CD101: variants seen among roughly 807,000 people sequenced by gnomAD.
The protein encoded by CD101 is immunoglobulin superfamily member 2.
In CD101, 76 loss-of-function variants were observed where a neutral mutation model predicts 98.2. The ratio of observed to expected loss-of-function variants is 0.77; its 90% CI spans 0.64 to 0.94. CD101 has a LOEUF of 0.94. Among genes scored for constraint, CD101 ranks in the 40% least tolerant of loss-of-function variants. CD101 has a pLI of 0.00. For synonymous variants in CD101, 471 were observed against 472.7 expected (o/e 1.00, Z 0.05); for missense variants, 1,145 against 1,218.8 (o/e 0.94, Z 0.90).
chr1:117,035,302 G>C (rs1654742443), intron 9 of CD101, among the ~76,000 whole-genome samples: 1 of 152,150 alleles, frequency 6.6e-6, no homozygotes, highest in Admixed American at 6.5e-5. Context: ...TTTCCAAGGA[G>C]AGCAATTTAG....
At chr1:117,029,884 C>G (rs1035141655) in intron 8 of CD101, among the ~76,000 whole-genome samples, 6 of 152,212 alleles carry the variant, frequency 3.9e-5, no homozygotes, top group African/African-American at 1.4e-4. Flanking sequence ...GCCTTTTCTT[C>G]TCTATCTTAT....
Position 117,005,000 on chromosome 1 carries a change from G to T in CD101, c.43+3140G>T, listed in dbSNP as rs570938695. Reference sequence around the variant, plus strand: ...TAGCACCTTCTAACTGTGTCCTCACGTGGCAGAAGGGGCTAGCGAGCTTCC... The same window carrying T: ...TAGCACCTTCTAACTGTGTCCTCACTTGGCAGAAGGGGCTAGCGAGCTTCC... On this transcript the variant is annotated intron_variant, in intron 1 of 9. Coordinates refer to ENST00000682167, the MANE Select transcript of CD101 (RefSeq NM_001256106.3). The surrounding 1 kb of genome is among the most constrained non-coding windows in gnomAD (Gnocchi z 4.1). Among the ~76,000 whole-genome samples the T allele has an allele frequency of 1.3e-5, 2 of 152,040 alleles. No homozygotes were observed. Among genetic ancestry groups the T allele is most frequent in the Admixed American group, 1.3e-4 (2 of 15,260 alleles).
intron 8 of CD101, chr1:117,026,117 C>A: frequency 2.0e-6 from 1 of 508,934 alleles, no homozygotes; most frequent in Non-Finnish European, 3.4e-6. Context: ...GGCATAGACA[C>A]TTAAATATCG....
At position 117,012,029 on chromosome 1, in the gene CD101, A is replaced by G. The variant is rs1652926610; in HGVS notation, c.841+63A>G. The G allele has an allele frequency of 7.1e-7, 1 of 1,400,366 alleles. No individual in the cohort carries two copies. Among genetic ancestry groups the G allele is most frequent in the Non-Finnish European group, 9.7e-7 (1 of 1,029,334 alleles). 86.7% of individuals were successfully genotyped at this position (1,400,366 alleles called of 1,614,324 possible). A position where few individuals can be genotyped will look rare whatever the true frequency, so the allele number is the denominator to read the frequency against. ...ATTAGGTAGTGGGTATTTATGAGGT[A>G]TGTTTTAATTTTTGTTCTAATCTTT... On this transcript the variant is annotated intron_variant, in intron 3 of 9. Transcript: ENST00000682167. This position sits in a 1 kb window ranked among gnomAD's most constrained non-coding sequence, Gnocchi z 4.0.
chr1:117,017,551 T>C (rs1055547722), intron 5 of CD101, 78 bp downstream of exon 5: 2 of 1,442,678 alleles, frequency 1.4e-6, no homozygotes, highest in Admixed American at 1.9e-5. Flanking sequence ...TTGCGTGTTA[T>C]CCTGAATCCC....
At position 117,018,334 on chromosome 1, in the gene CD101, C is replaced by T. The variant is rs748940483; in HGVS notation, c.1791C>T (p.His597=). The part of the protein sequence containing the change: ...HIFHQLIRIT[H]NGTIEWGNFL... ...TCCACCAGCTTATTCGAATCACCCACAATGGCACTATTGAATGGGGGAATT... is the reference window on the plus strand; with the variant it reads ...TCCACCAGCTTATTCGAATCACCCATAATGGCACTATTGAATGGGGGAATT... The change falls in exon 6 of 10, where the codon CAC becomes CAT. Residue 597 remains histidine (H), a synonymous_variant. Coordinates refer to ENST00000682167, the MANE Select transcript of CD101 (RefSeq NM_001256106.3). The surrounding 1 kb of genome is among the most constrained non-coding windows in gnomAD (Gnocchi z 4.3). 1.2e-5 allele frequency: 20 copies of T among 1,614,196 alleles called. No individual in the cohort carries two copies. The South Asian group carries it at 1.9e-4, about 15-fold the overall frequency.
intron 4 of CD101, among the ~76,000 whole-genome samples, chr1:117,014,954 T>G (rs1375727510): frequency 6.6e-6 from 1 of 152,252 alleles, no homozygotes; most frequent in Admixed American, 6.5e-5. Context: ...GAGATAAGTT[T>G]CTGCTTTATG....
Position 117,009,995 on chromosome 1 carries a change from G to T in CD101, c.189G>T (p.Pro63=). The change falls in exon 2 of 10, where the codon CCG becomes CCT. Residue 63 remains proline, a synonymous_variant. Transcript: ENST00000682167. ...EQHFQWSVYL[P]TNPTQEVQII... The stretch of plus-strand genomic sequence containing the variant: ...ATTTCCAGTGGTCTGTTTACCTGCC[G>T]ACAAACCCGACCCAGGAAGTCCAGA... 1 of 1,614,148 alleles carries T rather than the reference G, an allele frequency of 6.2e-7. No homozygotes were observed. Among genetic ancestry groups the T allele is most frequent in the Non-Finnish European group, 8.5e-7 (1 of 1,180,030 alleles).
rs73004171 is a variant in CD101, at chr1:117,033,795, T to C, written c.2825-65T>C. On this transcript the variant is annotated intron_variant, in intron 8 of 9. Transcript: ENST00000682167. This position sits in a 1 kb window ranked among gnomAD's most constrained non-coding sequence, Gnocchi z 4.8. Reference sequence around the variant, plus strand: ...CCTATAACAATAAATCCCAGGAGTGTTTGTAATTGACTAGTACAAATAAGT... The same window carrying C: ...CCTATAACAATAAATCCCAGGAGTGCTTGTAATTGACTAGTACAAATAAGT... The C allele has an allele frequency of 6.4e-4, 1,023 of 1,601,504 alleles. 4 individuals carry two copies. The African/African-American group carries it at 0.012, about 19-fold the overall frequency.
Position 117,021,539 on chromosome 1 carries a change from T to C in CD101, c.2018-34T>C. 1 of 1,522,668 alleles carries C rather than the reference T, an allele frequency of 6.6e-7. No homozygotes were observed. Among genetic ancestry groups the C allele is most frequent in the Non-Finnish European group, 8.8e-7 (1 of 1,138,056 alleles). The allele number at this position is 1,522,668 out of a possible 1,614,324, so 94.3% of individuals were successfully genotyped here. On this transcript the variant is annotated intron_variant, in intron 6 of 9. Coordinates refer to ENST00000682167, the MANE Select transcript of CD101 (RefSeq NM_001256106.3). This position sits in a 1 kb window ranked among gnomAD's most constrained non-coding sequence, Gnocchi z 4.7. ...TCTACTACCTTAACTTTCTATTTCATAGCAAAGTAACTGTTTCATTTTTTT... is the reference window on the plus strand; with the variant it reads ...TCTACTACCTTAACTTTCTATTTCACAGCAAAGTAACTGTTTCATTTTTTT...
Position 117,021,855 on chromosome 1 carries a change from A to G in CD101, c.2300A>G (p.Asn767Ser). 6.2e-7 allele frequency: 1 copy of G among 1,614,204 alleles called. No homozygotes were observed. ...SQDLFQLHIL[N>S]VEDSDRGKYH... ...GACTTATTTCAGCTGCACATTCTGAATGTGGAAGACAGCGATCGGGGCAAA... is the reference window on the plus strand; with the variant it reads ...GACTTATTTCAGCTGCACATTCTGAGTGTGGAAGACAGCGATCGGGGCAAA... Residue 767 changes from asparagine to serine, a missense_variant, in exon 7 of 10, where the codon AAT (asparagine) becomes AGT (serine). By Grantham distance (46) the Asn-to-Ser change is conservative. Transcript: ENST00000682167. This position sits in a 1 kb window ranked among gnomAD's most constrained non-coding sequence, Gnocchi z 4.7.
At position 117,033,814 on chromosome 1, in the gene CD101, A is replaced by G. The variant is rs1281555791; in HGVS notation, c.2825-46A>G. 2 of 1,611,616 alleles carry G rather than the reference A, an allele frequency of 1.2e-6. No individual in the cohort carries two copies. The highest frequency in any genetic ancestry group is 1.7e-6 in the Non-Finnish European group (2 of 1,178,558). ...GGAGTGTTTGTAATTGACTAGTACA[A>G]ATAAGTTGGAGATGAATTACTCTCT... On this transcript the variant is annotated intron_variant, in intron 8 of 9. Transcript: ENST00000682167. This position sits in a 1 kb window ranked among gnomAD's most constrained non-coding sequence, Gnocchi z 4.8.
chr1:117,025,438 T>C (rs1448635195), intron 7 of CD101, 71 bp from the exon 8 acceptor site: 4 of 1,324,910 alleles, frequency 3.0e-6, no homozygotes, highest in Non-Finnish European at 4.1e-6. Context: ...CAGTGAGAAC[T>C]AGATTTTTCA....
chr1:117,015,087 A>G (rs1358378480), intron 4 of CD101, among the ~76,000 whole-genome samples: 1 of 152,182 alleles, frequency 6.6e-6, no homozygotes, highest in Non-Finnish European at 1.5e-5. Flanking sequence ...ATCTTCTAAA[A>G]CTAAAAATAG....
rs376576740 is a variant in CD101, at chr1:117,012,697, C to T, written c.842-709C>T. Among the ~76,000 whole-genome samples, 1 of 152,268 alleles carries T rather than the reference C, an allele frequency of 6.6e-6. No homozygotes were observed. Among genetic ancestry groups the T allele is most frequent in the East Asian group, 1.9e-4 (1 of 5,186 alleles). On this transcript the variant is annotated intron_variant, in intron 3 of 9. Transcript: ENST00000682167. The surrounding 1 kb of genome is among the most constrained non-coding windows in gnomAD (Gnocchi z 4.0). ...GGCTGGGATTTCAGGCGTGAGCCAC[C>T]GCACCCAGCCTGCTGTTACTTTTCA...
rs571288890 is a variant in CD101, at chr1:117,029,849, G to A, written c.2824+3945G>A. Among the ~76,000 whole-genome samples, 31 of 152,346 alleles carry A rather than the reference G, an allele frequency of 2.0e-4. 1 individual carries two copies. The South Asian group carries it at 4.1e-3, about 20-fold the overall frequency. On this transcript the variant is annotated intron_variant, in intron 8 of 9. Coordinates refer to ENST00000682167, the MANE Select transcript of CD101 (RefSeq NM_001256106.3). ...TCAAGTGAAGGCAGGAAAGTTAAGA[G>A]ACATTTTCTCGGAGAATGGACCTTG... is the stretch of plus-strand genomic sequence containing the variant.
intron 8 of CD101, among the ~76,000 whole-genome samples, chr1:117,028,015 G>C (rs557672093): frequency 1.3e-5 from 2 of 152,164 alleles, no homozygotes; most frequent in East Asian, 3.9e-4. Flanking sequence ...AACCCAGGAG[G>C]GGAAGGTTGC....
rs1553185111 is a variant in CD101, at chr1:117,009,876, G to C, written c.70G>C (p.Val24Leu). 3 of 1,606,920 alleles carry C rather than the reference G, an allele frequency of 1.9e-6. No individual in the cohort carries two copies. The highest frequency in any genetic ancestry group is 2.6e-6 in the Non-Finnish European group (3 of 1,174,446). ...TAAGCTCAGCATTGGCCAGAGAGAA[G>C]TAACAGTTCAGAAAGGACCACTGTT... ...LTKLSIGQREVTVQKGPLFRA... is the reference protein window; with the variant it reads ...LTKLSIGQRELTVQKGPLFRA... Residue 24 changes from valine to leucine, a missense_variant, in exon 2 of 10, where the codon GTA (valine) becomes CTA (leucine). Transcript: ENST00000682167.
chr1:117,004,605 AAG>A lies in CD101; in HGVS notation c.43+2752_43+2753del, dbSNP rs1422399174. Among the ~76,000 whole-genome samples the A allele has an allele frequency of 6.6e-6, 1 of 152,106 alleles. No homozygotes were observed. Among genetic ancestry groups the A allele is most frequent in the Non-Finnish European group, 1.5e-5 (1 of 68,028 alleles). Reference sequence around the variant, plus strand: ...AAGTAGCTAACCCTCTACCCATTAAAAGAGAGAGCAAGAGGGCAGTCCTCACA... The same window carrying A: ...AAGTAGCTAACCCTCTACCCATTAAAAGAGAGCAAGAGGGCAGTCCTCACA... On this transcript the variant is annotated intron_variant, in intron 1 of 9. Transcript: ENST00000682167. This position sits in a 1 kb window ranked among gnomAD's most constrained non-coding sequence, Gnocchi z 4.1.
Sources: allele counts gnomAD v4.1 joint callset (sites outside exome capture counted in the v4.1 genomes callset), GRCh38; gene constraint gnomAD v4.1.1; non-coding constraint Gnocchi (gnomAD v3.1); transcripts MANE v1.5; gene names NCBI Gene and HGNC (gene_info 2026-07-23, HGNC 2026-07-21).